Variants in IMPG1 observed in about 807,000 individuals in gnomAD.
The protein encoded by IMPG1 is interphotoreceptor matrix proteoglycan 1.
Under a neutral mutation model 92.0 loss-of-function variants are expected in IMPG1, and 85 were observed. The ratio of observed to expected loss-of-function variants is 0.92; its 90% confidence interval spans 0.78 to 1.11. The LOEUF is 1.11. Ranked by LOEUF, IMPG1 falls within the 50% of genes least tolerant of loss-of-function variation. IMPG1 has a pLI of 0.00. For missense variants in IMPG1, 1,022 were observed against 956.0 expected (o/e 1.07, Z -0.91); for synonymous variants, 367 against 334.1 (o/e 1.10, Z -1.08).
chr6:75,980,993 C>T (rs112802005), intron 12 of IMPG1, among the ~76,000 whole-genome samples: 15 of 152,306 alleles, frequency 9.8e-5, no homozygotes, highest in African/African-American at 3.6e-4. Flanking sequence ...GATTCTGATT[C>T]ATGGAAGAGT....
At chr6:76,006,892 AGT>A (rs1412828534) in intron 9 of IMPG1, among the ~76,000 whole-genome samples, 1 of 152,020 alleles carries the variant, frequency 6.6e-6, no homozygotes, top group East Asian at 1.9e-4. Context: ...GTGATGTAGA[AGT>A]GTTTTAAAGG....
intron 12 of IMPG1, among the ~76,000 whole-genome samples, chr6:75,987,395 G>T (rs1379491231): frequency 6.6e-6 from 1 of 151,126 alleles, no homozygotes; most frequent in African/African-American, 2.4e-5. Context: ...ATGGTGGTGT[G>T]CTGCACCCCT....
At chr6:75,972,699 C>A (rs1782443696) in intron 12 of IMPG1, among the ~76,000 whole-genome samples, 1 of 152,158 alleles carries the variant, frequency 6.6e-6, no homozygotes, top group Admixed American at 6.5e-5. Context: ...CTGTTTTATA[C>A]TCGAACTTTA....
In IMPG1 at chr6:75,931,001, G is replaced by C. The variant is rs752807155; in HGVS notation, c.2195C>G (p.Pro732Arg). 1.2e-6 allele frequency: 2 copies of C among 1,614,204 alleles called. No individual in the cohort carries two copies. Among genetic ancestry groups the C allele is most frequent in the Non-Finnish European group, 1.7e-6 (2 of 1,180,042 alleles). ...GAGGACCTCGCATTCCTTTGTGCCA[G>C]GGCCACAGAGGCCTGGTTCCAGACC... Reference protein sequence around the residue: ...LDGLEPGLCGPGTKECEVLQG... With the variant: ...LDGLEPGLCGRGTKECEVLQG... Residue 732 changes from proline (P) to arginine (R), a missense_variant, in exon 15 of 17, where the codon CCT becomes CGT. Physicochemically the swap from Pro to Arg is moderately radical, Grantham distance 103. Transcript: ENST00000369950.
intron 14 of IMPG1, among the ~76,000 whole-genome samples, chr6:75,944,986 T>C (rs117413462): frequency 1.8e-4 from 27 of 152,348 alleles, no homozygotes; most frequent in Non-Finnish European, 2.6e-4. Flanking sequence ...GAGGTATTCT[T>C]AGGTAGCTCA....
intron 4 of IMPG1, among the ~76,000 whole-genome samples, chr6:76,030,110 A>C (rs1467284373): frequency 6.6e-6 from 1 of 152,198 alleles, no homozygotes; most frequent in Non-Finnish European, 1.5e-5. Flanking sequence ...GATAAAGGGC[A>C]TGTTAATATC....
chr6:76,049,822 A>G (rs78100263), intron 1 of IMPG1, among the ~76,000 whole-genome samples: 3,460 of 152,274 alleles, frequency 0.023, 118 homozygotes, highest in African/African-American at 0.076. Flanking sequence ...AGGACAAGAT[A>G]TTGGTGGGCA....
intron 12 of IMPG1, among the ~76,000 whole-genome samples, chr6:75,969,610 G>A (rs1258006228): frequency 6.6e-6 from 1 of 152,000 alleles, no homozygotes; most frequent in Non-Finnish European, 1.5e-5. Context: ...GTGAATGCCT[G>A]TAGTCCCAGC....
intron 1 of IMPG1, among the ~76,000 whole-genome samples, chr6:76,054,299 C>T (rs1784086106): frequency 6.6e-6 from 1 of 151,968 alleles, no homozygotes; most frequent in Non-Finnish European, 1.5e-5. Context: ...AGGTTTAGTG[C>T]TAGGCCTGGT....
At chr6:76,061,604 C>G (rs997618443) in intron 1 of IMPG1, among the ~76,000 whole-genome samples, 1 of 152,120 alleles carries the variant, frequency 6.6e-6, no homozygotes, top group Non-Finnish European at 1.5e-5. Context: ...CTAATAATAA[C>G]TTAGTTAAAG....
intron 12 of IMPG1, among the ~76,000 whole-genome samples, chr6:75,957,082 GC>G (rs1782138554): frequency 6.6e-6 from 1 of 152,018 alleles, no homozygotes; most frequent in Admixed American, 6.6e-5. Flanking sequence ...ACCATGCCTG[GC>G]AAATTTTTGT....
At chr6:75,984,497 T>C (rs1782682560) in intron 12 of IMPG1, among the ~76,000 whole-genome samples, 1 of 152,196 alleles carries the variant, frequency 6.6e-6, no homozygotes. Flanking sequence ...TGACTTACAC[T>C]GTATGAGGAA....
At chr6:75,934,866 A>G in intron 14 of IMPG1, 1 of 445,220 alleles carries the variant, frequency 2.2e-6, no homozygotes, top group Non-Finnish European at 4.8e-6. Flanking sequence ...TGAGTGCCTT[A>G]TCTCCCTAAC....
intron 12 of IMPG1, among the ~76,000 whole-genome samples, chr6:75,974,371 CTTTCTTTCTTTCTTTCTTTCTTTTCT>C (rs1782483838): frequency 1.1e-5 from 1 of 89,268 alleles, no homozygotes; most frequent in African/African-American, 4.2e-5. Context: ...TTCTTTCTTT[CTTTCTTTCTTTCTTTCTTTCTTTTCT>C]TTCTTTCCTT....
chr6:75,959,069 C>T (rs1414763663), intron 12 of IMPG1, among the ~76,000 whole-genome samples: 10 of 152,084 alleles, frequency 6.6e-5, no homozygotes, highest in South Asian at 2.1e-4. Flanking sequence ...TTTGTGTGGA[C>T]GTCCTTTTTG....
Position 75,921,922 on chromosome 6 carries a change from C to G in IMPG1, c.*167G>C. 1 of 460,264 alleles carries G rather than the reference C, an allele frequency of 2.2e-6. No homozygotes were observed. The allele number at this position is 460,264 out of a possible 1,614,324, so 28.5% of individuals were successfully genotyped here. A position where few individuals can be genotyped will look rare whatever the true frequency, so the allele number is the denominator to read the frequency against. On this transcript the variant is annotated 3_prime_UTR_variant, in exon 17 of 17. Transcript: ENST00000369950. ...CTTTTTCTTCAGAATTTACTGGTTG[C>G]CAAGTACATGACTCTTCTATATTTG...
At chr6:75,994,752 A>C (rs538482184) in intron 12 of IMPG1, among the ~76,000 whole-genome samples, 2 of 152,346 alleles carry the variant, frequency 1.3e-5, no homozygotes, top group African/African-American at 4.8e-5. Context: ...TGTGGGAGCC[A>C]CAATTCAATA....
chr6:75,928,516 T>A (rs1021167263), intron 15 of IMPG1: 13 of 152,338 alleles, frequency 8.5e-5, no homozygotes, highest in African/African-American at 2.9e-4. Flanking sequence ...ACATGTTGGC[T>A]GGTCTGAACA....
At position 76,025,330 on chromosome 6, in the gene IMPG1, A is replaced by C. The variant is rs1783506681; in HGVS notation, c.498-72T>G. 1.4e-5 allele frequency: 11 copies of C among 805,166 alleles called. No individual in the cohort carries two copies. In the South Asian group the frequency reaches 1.8e-4, roughly 13 times the overall value. The allele number at this position is 805,166 out of a possible 1,614,324, so 49.9% of individuals were successfully genotyped here. A position where few individuals can be genotyped will look rare whatever the true frequency, so the allele number is the denominator to read the frequency against. On this transcript the variant is annotated intron_variant, in intron 4 of 16. Transcript: ENST00000369950. ...GATGACAGTAGAGAACATACATTTA[A>C]ATTTCTTATACTGAGTAAACCTAAA... is the stretch of plus-strand genomic sequence containing the variant.
Sources: gnomAD v4.1 joint callset for allele counts (sites outside exome capture counted in the v4.1 genomes callset) on GRCh38, gnomAD v4.1.1 for gene constraint, MANE v1.5 for transcripts, NCBI Gene and HGNC (gene_info 2026-07-23, HGNC 2026-07-21) for gene names.